Variants in CEP63 observed in about 807,000 individuals in gnomAD.
CEP63 encodes the protein centrosomal protein of 63 kDa.
A neutral mutation model predicts 89.1 loss-of-function variants in CEP63; 84 were observed. The ratio of observed to expected loss-of-function variants is 0.94; its 90% confidence interval spans 0.79 to 1.13. The LOEUF is 1.13. Ranked by LOEUF, CEP63 falls within the 50% of genes most tolerant of loss-of-function variation. The probability of loss-of-function intolerance (pLI) is 0.00; values close to 1 mark genes in which losing one functional copy is unlikely to be tolerated. For synonymous variants in CEP63, 267 were observed against 272.5 expected, an observed-to-expected ratio of 0.98 and a Z score of 0.20; for missense variants, 838 against 813.3, an observed-to-expected ratio of 1.03 and a Z score of -0.37.
At chr3:134,588,439 AT>A (rs572829488), downstream of CEP63, among the ~76,000 whole-genome samples, 35 of 152,346 alleles carry the variant, frequency 2.3e-4, no homozygotes, top group East Asian at 5.0e-3. Context: ...TTTAAAAAAA[AT>A]ATCTAAGTGT....
At chr3:134,767,215 G>A in the CEP63 span, among the ~76,000 whole-genome samples, 1 of 152,172 alleles carries the variant, frequency 6.6e-6, no homozygotes, top group East Asian at 1.9e-4. Context: ...GCCACTAGGT[G>A]CCCAGGTCCA....
the CEP63 span, among the ~76,000 whole-genome samples, chr3:134,695,200 A>G: frequency 6.6e-6 from 1 of 152,152 alleles, no homozygotes; most frequent in African/African-American, 2.4e-5. Context: ...CCACTAATGG[A>G]AATAACCACT....
the CEP63 span, among the ~76,000 whole-genome samples, chr3:134,659,892 T>C: frequency 2.0e-5 from 3 of 152,178 alleles, no homozygotes; most frequent in Non-Finnish European, 4.4e-5. Context: ...GATTTTTCAG[T>C]GTCAGTGCAG....
chr3:134,557,492 A>T (rs2110079834), intron 12 of CEP63, among the ~76,000 whole-genome samples: 1 of 149,984 alleles, frequency 6.7e-6, no homozygotes, highest in Non-Finnish European at 1.5e-5. Flanking sequence ...TGTCATTAGA[A>T]AAAAAATCAC....
chr3:134,677,897 TTCTC>T, the CEP63 span, among the ~76,000 whole-genome samples: 1 of 151,822 alleles, frequency 6.6e-6, no homozygotes, highest in Non-Finnish European at 1.5e-5. Context: ...CTGGCATGCT[TTCTC>T]TCTCCACGTC....
At chr3:134,665,981 A>T in the CEP63 span, among the ~76,000 whole-genome samples, 1 of 152,056 alleles carries the variant, frequency 6.6e-6, no homozygotes, top group East Asian at 1.9e-4. Flanking sequence ...GACAGAGAGA[A>T]CAACAGAAAC....
At chr3:134,501,108 T>C (rs539418873) in intron 2 of CEP63, among the ~76,000 whole-genome samples, 62 of 152,186 alleles carry the variant, frequency 4.1e-4, no homozygotes, top group Non-Finnish European at 7.3e-4. Context: ...CTTTCTCCAT[T>C]GTTTGTTTTT....
the CEP63 span, among the ~76,000 whole-genome samples, chr3:134,701,277 C>CATATACGTATATATGT: frequency 2.3e-4 from 9 of 38,692 alleles, 1 homozygote; most frequent in Admixed American, 5.7e-4. Context: ...CATATACACA[C>CATATACGTATATATGT]ATATATACGT....
rs780917086 is a variant in CEP63, at chr3:134,508,180, A to G, written c.222+894A>G. Among the ~76,000 whole-genome samples, 6 of 152,264 alleles carry G rather than the reference A, an allele frequency of 3.9e-5. No homozygotes were observed. The South Asian group carries it at 8.3e-4, about 21-fold the overall frequency. On this transcript the variant is annotated intron_variant, in intron 3 of 14. Transcript: ENST00000675561. ...AATGTTTCTCGTAACAAAGAGTTTG[A>G]CTTGTTAAAAATGTTATTATGCTTA...
rs563327727 is a variant in CEP63, at chr3:134,583,805, T to C, written c.1207-3653T>C. Among the ~76,000 whole-genome samples the C allele has an allele frequency of 1.2e-4, 18 of 152,296 alleles. No homozygotes were observed. The East Asian group carries it at 2.9e-3, about 24-fold the overall frequency. On this transcript the variant is annotated intron_variant, in intron 10 of 10. Coordinates refer to the CEP63 transcript ENST00000683931. ...ATTTTCACAATATTGATTCCTCCTA[T>C]CCATGAGTATGGAATGTTCTTCCAT... is the stretch of plus-strand genomic sequence containing the variant.
the CEP63 span, among the ~76,000 whole-genome samples, chr3:134,691,707 A>C: frequency 6.6e-6 from 1 of 152,162 alleles, no homozygotes; most frequent in Non-Finnish European, 1.5e-5. Flanking sequence ...TATTTTCCCA[A>C]ACAAAAGTAA....
At chr3:134,624,647 A>G in the CEP63 span, among the ~76,000 whole-genome samples, 6 of 152,360 alleles carry the variant, frequency 3.9e-5, no homozygotes, top group Admixed American at 2.0e-4. Flanking sequence ...AGCTGTGATT[A>G]TAATGGTCCT....
the CEP63 span, among the ~76,000 whole-genome samples, chr3:134,697,674 G>A: frequency 1.3e-5 from 2 of 152,148 alleles, no homozygotes; most frequent in African/African-American, 2.4e-5. Context: ...AAGCTAATGG[G>A]CCTCAGCTTA....
At chr3:134,614,939 A>G in the CEP63 span, among the ~76,000 whole-genome samples, 1 of 152,124 alleles carries the variant, frequency 6.6e-6, no homozygotes, top group South Asian at 2.1e-4. Context: ...AAAGGGAGGG[A>G]GTGTGCCTGT....
chr3:134,744,783 G>T, the CEP63 span, among the ~76,000 whole-genome samples: 2 of 152,142 alleles, frequency 1.3e-5, no homozygotes, highest in African/African-American at 4.8e-5. Context: ...CTTCCAAAGT[G>T]CTAGGATTAG....
chr3:134,637,236 G>C, the CEP63 span, among the ~76,000 whole-genome samples: 1 of 152,214 alleles, frequency 6.6e-6, no homozygotes, highest in Non-Finnish European at 1.5e-5. Context: ...GCATAATTCA[G>C]TTCTGGTCGT....
chr3:134,686,077 C>G, the CEP63 span, among the ~76,000 whole-genome samples: 1 of 152,244 alleles, frequency 6.6e-6, no homozygotes, highest in African/African-American at 2.4e-5. Context: ...TAAGCAACTC[C>G]TCTCCTCACA....
chr3:134,737,219 T>C, the CEP63 span, among the ~76,000 whole-genome samples: 1 of 152,120 alleles, frequency 6.6e-6, no homozygotes, highest in Admixed American at 6.6e-5. Context: ...TATAGAGAAA[T>C]TTTTCATGGC....
the CEP63 span, chr3:134,600,715 T>G: frequency 1.3e-5 from 2 of 152,206 alleles, no homozygotes; most frequent in Non-Finnish European, 2.9e-5. Context: ...ATGAGTGTAG[T>G]CACAGCTGTT....
Sources: allele counts gnomAD v4.1 joint callset (sites outside exome capture counted in the v4.1 genomes callset), GRCh38; gene constraint gnomAD v4.1.1; transcripts MANE v1.5; gene names NCBI Gene and HGNC (gene_info 2026-07-23, HGNC 2026-07-21).